Variants in SCFD2 observed in about 807,000 individuals in gnomAD.
The protein encoded by SCFD2 is sec1 family domain-containing protein 2.
SCFD2 carries 54 observed loss-of-function variants against 58.9 expected under a neutral mutation model. The observed-to-expected ratio is 0.92, with a 90% confidence interval of 0.74 to 1.15. SCFD2 has a LOEUF of 1.15. Among genes scored for constraint, SCFD2 ranks in the 50% most tolerant of loss-of-function variants. The probability of loss-of-function intolerance (pLI) is 0.00; values close to 1 mark genes in which losing one functional copy is unlikely to be tolerated. For synonymous variants in SCFD2, 321 were observed against 335.9 expected (o/e 0.96, Z 0.49); for missense variants, 805 against 836.6 (o/e 0.96, Z 0.47).
chr4:53,107,630 G>A lies in SCFD2; in HGVS notation c.1561+37703C>T, dbSNP rs114262366. Among the ~76,000 whole-genome samples the A allele has an allele frequency of 4.3e-3, 656 of 152,190 alleles. 4 individuals are homozygous for A. The highest frequency in any genetic ancestry group is 0.015 in the African/African-American group (625 of 41,532). ...CAACAAAGATCAAAAAAGAAAAGAA[G>A]GGCATTACATAGTGGTAAAGGGATC... On this transcript the variant is annotated intron_variant, in intron 5 of 8. Transcript: ENST00000401642.
At chr4:52,948,754 A>G in intron 5 of SCFD2, 1 of 306,100 alleles carries the variant, frequency 3.3e-6, no homozygotes. Context: ...GACAGTGTGT[A>G]GTCTTCATGG....
intron 5 of SCFD2, among the ~76,000 whole-genome samples, chr4:53,133,218 C>T (rs1258317701): frequency 6.6e-6 from 1 of 151,032 alleles, no homozygotes; most frequent in East Asian, 2.0e-4. Context: ...GTCCCAGCTA[C>T]TCGGGAGGCT....
intron 4 of SCFD2, among the ~76,000 whole-genome samples, chr4:53,232,162 A>G (rs760648913): frequency 6.6e-6 from 1 of 152,270 alleles, no homozygotes; most frequent in Middle Eastern, 3.4e-3. Context: ...AAGGAAAACA[A>G]ACTTTAAATA....
chr4:53,028,050 C>A (rs1333948208), intron 5 of SCFD2, among the ~76,000 whole-genome samples: 1 of 151,920 alleles, frequency 6.6e-6, no homozygotes, highest in Non-Finnish European at 1.5e-5. Context: ...AGTTTGAGAC[C>A]AGCCTGGACA....
intron 4 of SCFD2, among the ~76,000 whole-genome samples, chr4:53,164,068 A>C (rs1216572593): frequency 1.3e-5 from 2 of 152,156 alleles, no homozygotes; most frequent in Non-Finnish European, 2.9e-5. Context: ...GCAAGATAAT[A>C]CCACACACCT....
intron 5 of SCFD2, among the ~76,000 whole-genome samples, chr4:53,129,575 T>C (rs1348118147): frequency 6.6e-6 from 1 of 152,208 alleles, no homozygotes; most frequent in Non-Finnish European, 1.5e-5. Flanking sequence ...CAATATTTTT[T>C]TGCTGCAATT....
At chr4:53,147,153 T>TA (rs1375270604) in intron 4 of SCFD2, among the ~76,000 whole-genome samples, 9 of 152,220 alleles carry the variant, frequency 5.9e-5, no homozygotes, top group Admixed American at 5.9e-4. Context: ...ATACTGTCTC[T>TA]AAAAAAATTT....
At chr4:52,896,467 T>C (rs1719016005) in intron 7 of SCFD2, among the ~76,000 whole-genome samples, 1 of 152,224 alleles carries the variant, frequency 6.6e-6, no homozygotes, top group African/African-American at 2.4e-5. Flanking sequence ...GATCAGATAG[T>C]TGTAGATATG....
rs1337234516 is a variant in SCFD2, at chr4:53,146,833, T to C, written c.1312-1251A>G. ...TTTTTATTAGTTATTGTTAATCTCT[T>C]ACTGTGCCTAATTTACAAATTAAAC... On this transcript the variant is annotated intron_variant, in intron 4 of 8. Coordinates refer to ENST00000401642, the MANE Select transcript of SCFD2 (RefSeq NM_152540.4). Among the ~76,000 whole-genome samples, 4 of 152,202 alleles carry C rather than the reference T, an allele frequency of 2.6e-5. No homozygotes were observed. The East Asian group carries it at 5.8e-4, about 22-fold the overall frequency.
rs192952302 is a variant in SCFD2, at chr4:53,122,891, T to C, written c.1561+22442A>G. On this transcript the variant is annotated intron_variant, in intron 5 of 8. Coordinates refer to ENST00000401642, the MANE Select transcript of SCFD2 (RefSeq NM_152540.4). ...GGTCAACTTATTTTTATATTATTTTTCATGTTTTCTATTTTTAATTTTATA... is the reference window on the plus strand; with the variant it reads ...GGTCAACTTATTTTTATATTATTTTCCATGTTTTCTATTTTTAATTTTATA... Among the ~76,000 whole-genome samples the C allele has an allele frequency of 4.2e-3, 637 of 152,144 alleles. 1 individual carries two copies. Among genetic ancestry groups the C allele is most frequent in the Non-Finnish European group, 7.1e-3 (480 of 67,984 alleles).
chr4:53,012,836 G>GTGTGTGTGTGTT lies in SCFD2; in HGVS notation c.1562-91967_1562-91966insAACACACACACA, dbSNP rs1553914338. Among the ~76,000 whole-genome samples, 3 of 145,112 alleles carry GTGTGTGTGTGTT rather than the reference G, an allele frequency of 2.1e-5. No individual in the cohort carries two copies. The South Asian group carries it at 6.6e-4, about 32-fold the overall frequency. ...TTTCTGTGTGTGTGTGTGTGTGTGT[G>GTGTGTGTGTGTT]TTTTTTTTTAAGAGAGAGAAAGCTA... On this transcript the variant is annotated intron_variant, in intron 5 of 8. Coordinates refer to ENST00000401642, the MANE Select transcript of SCFD2 (RefSeq NM_152540.4).
intron 5 of SCFD2, among the ~76,000 whole-genome samples, chr4:53,035,323 C>A (rs1323370682): frequency 6.6e-6 from 1 of 152,114 alleles, no homozygotes; most frequent in Non-Finnish European, 1.5e-5. Flanking sequence ...CAAAAATTAA[C>A]TCAAGATGGA....
rs74908425 is a variant in SCFD2, at chr4:52,910,322, G to T, written c.1708-2731C>A. Among the ~76,000 whole-genome samples, 633 of 152,322 alleles carry T rather than the reference G, an allele frequency of 4.2e-3. 2 individuals are homozygous for T. The highest frequency in any genetic ancestry group is 0.015 in the African/African-American group (610 of 41,562). Reference sequence around the variant, plus strand: ...CTCCAGCAGCCATCTTGGAAGACAGGACATTCCTTAGAGATGGTGAAGCAG... The same window carrying T: ...CTCCAGCAGCCATCTTGGAAGACAGTACATTCCTTAGAGATGGTGAAGCAG... On this transcript the variant is annotated intron_variant, in intron 6 of 8. Transcript: ENST00000401642.
chr4:53,363,828 A>G (rs1295753311), intron 1 of SCFD2, among the ~76,000 whole-genome samples: 1 of 145,536 alleles, frequency 6.9e-6, no homozygotes, highest in Non-Finnish European at 1.5e-5. Context: ...CTCCGTCTCA[A>G]AAAAAAAAAA....
chr4:53,019,357 T>TATAG (rs547101292), intron 5 of SCFD2, among the ~76,000 whole-genome samples: 29 of 152,306 alleles, frequency 1.9e-4, no homozygotes, highest in African/African-American at 6.0e-4. Context: ...TATGTAGGTG[T>TATAG]ATAGATAGAT....
chr4:53,078,026 A>G (rs1361677375), intron 5 of SCFD2, among the ~76,000 whole-genome samples: 2 of 152,176 alleles, frequency 1.3e-5, no homozygotes, highest in East Asian at 1.9e-4. Flanking sequence ...AGACCACTGG[A>G]ACCATCATAA....
chr4:53,047,330 C>T (rs1041753600), intron 5 of SCFD2, among the ~76,000 whole-genome samples: 2 of 152,076 alleles, frequency 1.3e-5, no homozygotes, highest in Admixed American at 1.3e-4. Context: ...TGCCGTAGTC[C>T]CCAGCTACTT....
At chr4:52,979,341 C>A (rs1415185912) in intron 5 of SCFD2, among the ~76,000 whole-genome samples, 4 of 152,012 alleles carry the variant, frequency 2.6e-5, no homozygotes, top group Admixed American at 2.0e-4. Context: ...GATCCATATA[C>A]AAATATTTTT....
intron 5 of SCFD2, chr4:52,956,100 CAAG>C (rs79997025): frequency 0.035 from 15,835 of 456,678 alleles, 478 homozygotes; most frequent in South Asian, 0.084. Flanking sequence ...AGATGCAACA[CAAG>C]GAGCCTTGGA....
Sources: gnomAD v4.1 joint callset for allele counts (sites outside exome capture counted in the v4.1 genomes callset) on GRCh38, gnomAD v4.1.1 for gene constraint, MANE v1.5 for transcripts, NCBI Gene and HGNC (gene_info 2026-07-23, HGNC 2026-07-21) for gene names.